Variants in TM6SF1 observed in about 807,000 individuals in gnomAD.
TM6SF1 encodes transmembrane 6 superfamily member 1.
A neutral mutation model predicts 47.1 loss-of-function variants in TM6SF1; 43 were observed. That is an observed-to-expected ratio of 0.91 (90% CI 0.72 to 1.18). The LOEUF is 1.18. Ranked by LOEUF, TM6SF1 falls within the 50% of genes most tolerant of loss-of-function variation. The pLI is 0.00. For missense variants in TM6SF1, 390 were observed against 449.0 expected (o/e 0.87, Z 1.19); for synonymous variants, 177 against 166.3 (o/e 1.06, Z -0.49).
intron 9 of TM6SF1, chr15:83,132,731 C>T (rs1456521988): frequency 2.0e-5 from 3 of 151,848 alleles, no homozygotes; most frequent in Non-Finnish European, 4.4e-5. Context: ...CTCATGGAGA[C>T]GTTAAGAAAA....
At chr15:83,134,848 A>G (rs1048237033) in intron 9 of TM6SF1, 23 of 152,236 alleles carry the variant, frequency 1.5e-4, no homozygotes, top group Admixed American at 1.4e-3. Context: ...AACAGGCCCT[A>G]AGGAAAAACA....
At chr15:83,136,316 G>C (rs1362817515) in intron 9 of TM6SF1, 165 bp from the exon 10 acceptor site, 2 of 468,094 alleles carry the variant, frequency 4.3e-6, no homozygotes, top group Non-Finnish European at 7.5e-6. Context: ...TTTAATGAAA[G>C]ACTCTGACAT....
intron 2 of TM6SF1, chr15:83,113,253 C>T: frequency 2.9e-6 from 1 of 348,422 alleles, no homozygotes; most frequent in Non-Finnish European, 5.5e-6. Context: ...CCACTTAGTG[C>T]AGAACTTAAC....
At chr15:83,112,642 C>T in intron 1 of TM6SF1, 155 bp from the exon 2 acceptor site, 1 of 640,098 alleles carries the variant, frequency 1.6e-6, no homozygotes, top group Non-Finnish European at 2.8e-6. Context: ...TGCAGATAAA[C>T]TTCACTAACT....
In TM6SF1 at chr15:83,107,875, C is replaced by T; in HGVS notation, c.92+103C>T. 3 of 1,386,090 alleles carry T rather than the reference C, an allele frequency of 2.2e-6. No individual in the cohort carries two copies. The highest frequency in any genetic ancestry group is 3.2e-5 in the South Asian group (2 of 62,428). The allele number at this position is 1,386,090 out of a possible 1,614,324, so 85.9% of individuals were successfully genotyped here. A position where few individuals can be genotyped will look rare whatever the true frequency, so the allele number is the denominator to read the frequency against. ...TTCCGAGGGGGCTGGGACCGTCCGC[C>T]GCGGGACAGAGGTTCGTGGCCGCAG... On this transcript the variant is annotated intron_variant, in intron 1 of 9. Transcript: ENST00000322019. The surrounding 1 kb of genome is among the most constrained non-coding windows in gnomAD (Gnocchi z 5.6).
At chr15:83,124,575 A>G in intron 6 of TM6SF1, 97 bp from the exon 7 acceptor site, 4 of 939,112 alleles carry the variant, frequency 4.3e-6, no homozygotes, top group Non-Finnish European at 6.7e-6. Context: ...TGCATCTTCA[A>G]AATTCTCTTA....
rs568082348 is a variant in TM6SF1, at chr15:83,126,389, T to C, written c.709-366T>C. Among the ~76,000 whole-genome samples, 16 of 152,354 alleles carry C rather than the reference T, an allele frequency of 1.1e-4. No homozygotes were observed. In the South Asian group the frequency reaches 3.3e-3, roughly 32 times the overall value. ...CTTGCAATGCATAGTAAGATGAATTTGGTGTAGAAATATACTTTTCTTCCT... is the reference window on the plus strand; with the variant it reads ...CTTGCAATGCATAGTAAGATGAATTCGGTGTAGAAATATACTTTTCTTCCT... On this transcript the variant is annotated intron_variant, in intron 7 of 9. Transcript: ENST00000322019.
chr15:83,116,273 A>G (rs1397547792), intron 3 of TM6SF1, among the ~76,000 whole-genome samples: 1 of 152,232 alleles, frequency 6.6e-6, no homozygotes, highest in African/African-American at 2.4e-5. Context: ...ATACATGACT[A>G]TCTCAGAAAC....
Position 83,136,793 on chromosome 15 carries a change from C to G in TM6SF1, c.*121C>G, listed in dbSNP as rs1280877285. ...ACTTAAGAATATGTACATTCTTGCT[C>G]TGCACTGTATGTGTGAGCTATATGG... On this transcript the variant is annotated 3_prime_UTR_variant, in exon 10 of 10. Coordinates refer to ENST00000322019, the MANE Select transcript of TM6SF1 (RefSeq NM_023003.5). 7 of 843,660 alleles carry G rather than the reference C, an allele frequency of 8.3e-6. No homozygotes were observed. The highest frequency in any genetic ancestry group is 1.3e-5 in the Non-Finnish European group (7 of 551,786). 52.3% of individuals were successfully genotyped at this position (843,660 alleles called of 1,614,324 possible).
At chr15:83,116,830 A>G (rs1057045702) in intron 3 of TM6SF1, among the ~76,000 whole-genome samples, 4 of 152,208 alleles carry the variant, frequency 2.6e-5, no homozygotes, top group African/African-American at 9.7e-5. Flanking sequence ...GGGAAGGATG[A>G]GGCCTAAGAC....
intron 9 of TM6SF1, chr15:83,132,899 A>G (rs2036350842): frequency 6.6e-6 from 1 of 152,210 alleles, no homozygotes; most frequent in Non-Finnish European, 1.5e-5. Context: ...CCTTTCATGG[A>G]GACACTCACA....
intron 1 of TM6SF1, among the ~76,000 whole-genome samples, chr15:83,112,017 C>T (rs570379972): frequency 6.6e-6 from 1 of 152,302 alleles, no homozygotes; most frequent in East Asian, 1.9e-4. Flanking sequence ...ACCAGGATCC[C>T]GGTTTCCTGA....
chr15:83,132,386 A>G (rs2036312648), intron 9 of TM6SF1: 1 of 152,224 alleles, frequency 6.6e-6, no homozygotes, highest in Non-Finnish European at 1.5e-5. Context: ...CTTGGTAAGG[A>G]GCCTGCCATC....
intron 2 of TM6SF1, 36 bp downstream of exon 2, chr15:83,112,936 T>C (rs1309414787): frequency 2.0e-6 from 3 of 1,476,364 alleles, no homozygotes; most frequent in Non-Finnish European, 2.8e-6. Context: ...TTGTATCTGA[T>C]TAATAACACA....
chr15:83,110,602 C>A (rs1275760409), intron 1 of TM6SF1, among the ~76,000 whole-genome samples: 2 of 152,184 alleles, frequency 1.3e-5, no homozygotes, highest in Non-Finnish European at 2.9e-5. Context: ...GGAGTGAAGA[C>A]TGGAGTTGTC....
rs755639628 is a variant in TM6SF1 at position 83,136,607 on chromosome 15, G to A, written c.1048G>A (p.Ala350Thr). 1.2e-6 allele frequency: 2 copies of A among 1,612,732 alleles called. No homozygotes were observed. The highest frequency in any genetic ancestry group is 1.3e-5 in the African/African-American group (1 of 74,904). Reference sequence around the variant, plus strand: ...ATATGGAGTTCTTCCTCAGCTCTTGGCCTATCGTTGTATCTACAAACCAGA... The same window carrying A: ...ATATGGAGTTCTTCCTCAGCTCTTGACCTATCGTTGTATCTACAAACCAGA... ...IAYGVLPQLL[A>T]YRCIYKPEFF... The change falls in exon 10 of 10, where the codon GCC (alanine) becomes ACC (threonine). Residue 350 changes from alanine to threonine, a missense_variant. Transcript: ENST00000322019.
At chr15:83,119,083 C>T (rs538993702) in intron 3 of TM6SF1, among the ~76,000 whole-genome samples, 3 of 152,118 alleles carry the variant, frequency 2.0e-5, no homozygotes, top group Non-Finnish European at 2.9e-5. Flanking sequence ...GCTCCGAGTT[C>T]GGTGCCTGCC....
chr15:83,111,307 C>T (rs933942351), intron 1 of TM6SF1, among the ~76,000 whole-genome samples: 7 of 151,526 alleles, frequency 4.6e-5, no homozygotes, highest in African/African-American at 1.7e-4. Flanking sequence ...TCAATTCATC[C>T]ATCATCCATC....
chr15:83,116,061 T>C, intron 3 of TM6SF1, 119 bp downstream of exon 3: 1 of 763,070 alleles, frequency 1.3e-6, no homozygotes, highest in Non-Finnish European at 2.2e-6. Flanking sequence ...AGGCTTTCAT[T>C]TCCTATAATA....
Sources: gnomAD v4.1 joint callset for allele counts (sites outside exome capture counted in the v4.1 genomes callset) on GRCh38, gnomAD v4.1.1 for gene constraint, Gnocchi (gnomAD v3.1) non-coding constraint, MANE v1.5 for transcripts, NCBI Gene and HGNC (gene_info 2026-07-23, HGNC 2026-07-21) for gene names.